The following CACNA2D3 variants were observed in gnomAD, a reference collection of about 807,000 sequenced individuals.
CACNA2D3 encodes the protein calcium voltage-gated channel auxiliary subunit alpha2delta 3.
In CACNA2D3, 60 loss-of-function variants were observed where a neutral mutation model predicts 160.6. The ratio of observed to expected loss-of-function variants is 0.37; its 90% CI spans 0.30 to 0.46. The LOEUF (loss-of-function observed/expected upper bound fraction) is 0.46. CACNA2D3 is among the 20% of genes least tolerant of loss of function. CACNA2D3 has a pLI of 1.00. For synonymous variants in CACNA2D3, 558 were observed against 492.9 expected (o/e 1.13, Z -1.75); for missense variants, 1,205 against 1,365.0 (o/e 0.88, Z 1.85).
At chr3:54,576,658 G>T (rs1234368832) in intron 8 of CACNA2D3, among the ~76,000 whole-genome samples, 1 of 152,182 alleles carries the variant, frequency 6.6e-6, no homozygotes, top group East Asian at 1.9e-4. Flanking sequence ...AATACCTGAG[G>T]AAGATTGTGG....
intron 12 of CACNA2D3, among the ~76,000 whole-genome samples, chr3:54,759,322 GA>G (rs1207540272): frequency 7.9e-5 from 12 of 151,984 alleles, no homozygotes; most frequent in African/African-American, 1.2e-4. Flanking sequence ...AATTTAACAG[GA>G]AAAAAACAGA....
In CACNA2D3 at chr3:54,839,720, G is replaced by A. The variant is rs186266149; in HGVS notation, c.1551+1072G>A. ...GGGCCTGATTCACCACAGCTGTGAG[G>A]GGGACCTGGGCTTTCCTGGGCCTCA... On this transcript the variant is annotated intron_variant, in intron 16 of 37. Transcript: ENST00000474759. Among the ~76,000 whole-genome samples, 551 of 152,240 alleles carry A rather than the reference G, an allele frequency of 3.6e-3. 12 individuals are homozygous for A. The highest frequency in any genetic ancestry group is 0.033 in the Admixed American group (503 of 15,284).
intron 34 of CACNA2D3, among the ~76,000 whole-genome samples, chr3:55,017,017 T>G (rs1703340190): frequency 6.6e-6 from 1 of 152,234 alleles, no homozygotes; most frequent in African/African-American, 2.4e-5. Context: ...CTCCCCGTAG[T>G]TCTGCCCACC....
intron 3 of CACNA2D3, among the ~76,000 whole-genome samples, chr3:54,373,070 C>T (rs1310762695): frequency 6.6e-6 from 1 of 152,176 alleles, no homozygotes; most frequent in Non-Finnish European, 1.5e-5. Flanking sequence ...TTGGAGCAGT[C>T]ATCTCTTGAA....
intron 10 of CACNA2D3, among the ~76,000 whole-genome samples, chr3:54,631,600 G>C (rs1488114229): frequency 1.3e-5 from 2 of 152,204 alleles, no homozygotes; most frequent in Admixed American, 1.3e-4. Flanking sequence ...GAATGGTTCA[G>C]AGGTTACTAT....
intron 2 of CACNA2D3, among the ~76,000 whole-genome samples, chr3:54,282,840 G>T (rs1702913590): frequency 6.6e-6 from 1 of 151,248 alleles, no homozygotes; most frequent in Non-Finnish European, 1.5e-5. Context: ...TACACTTTTA[G>T]TTTTCGCTTT....
intron 11 of CACNA2D3, among the ~76,000 whole-genome samples, chr3:54,647,268 T>G (rs998682366): frequency 6.6e-6 from 1 of 152,182 alleles, no homozygotes; most frequent in Non-Finnish European, 1.5e-5. Flanking sequence ...TTATGATCAT[T>G]TGTTATGTAG....
At chr3:54,217,837 A>G (rs1363866074) in intron 2 of CACNA2D3, among the ~76,000 whole-genome samples, 2 of 151,974 alleles carry the variant, frequency 1.3e-5, no homozygotes, top group Non-Finnish European at 2.9e-5. Flanking sequence ...CAGCAGCCCC[A>G]GGAAATTAAT....
At chr3:54,581,287 G>A (rs192117648) in intron 8 of CACNA2D3, among the ~76,000 whole-genome samples, 3 of 152,268 alleles carry the variant, frequency 2.0e-5, no homozygotes, top group African/African-American at 7.2e-5. Flanking sequence ...GCAATGTATG[G>A]GAAATTGTGC....
chr3:54,632,048 T>C (rs1352529052), intron 10 of CACNA2D3: 1 of 152,252 alleles, frequency 6.6e-6, no homozygotes, highest in African/African-American at 2.4e-5. Context: ...GTCATTGTTA[T>C]TATTATGGAA....
intron 29 of CACNA2D3, among the ~76,000 whole-genome samples, chr3:54,975,517 T>G (rs1191850522): frequency 2.0e-5 from 2 of 100,376 alleles, no homozygotes; most frequent in Non-Finnish European, 1.9e-5. Context: ...TGAGACTTGG[T>G]CTCCAAAAAA....
rs180683319 is a variant in CACNA2D3, at chr3:54,142,925, T to C, written c.204+19331T>C. On this transcript the variant is annotated intron_variant, in intron 2 of 37. Transcript: ENST00000474759. ...GTTGTATCTGTGAAAATGATTGTGC[T>C]AGTTAGGGACAGGTATAAGCCATCC... Among the ~76,000 whole-genome samples the C allele has an allele frequency of 2.9e-4, 44 of 152,302 alleles. No homozygotes were observed. The South Asian group carries it at 5.8e-3, about 20-fold the overall frequency.
chr3:54,315,945 T>C (rs1345293898), intron 2 of CACNA2D3, among the ~76,000 whole-genome samples: 1 of 152,144 alleles, frequency 6.6e-6, no homozygotes, highest in Non-Finnish European at 1.5e-5. Context: ...TATTTTTGAA[T>C]GTGAAATAGT....
intron 2 of CACNA2D3, among the ~76,000 whole-genome samples, chr3:54,293,583 A>T (rs562241852): frequency 6.6e-6 from 1 of 151,900 alleles, no homozygotes; most frequent in Non-Finnish European, 1.5e-5. Flanking sequence ...ATATATCAAT[A>T]TATCACATCC....
At chr3:54,401,277 TAGG>T (rs1553648323) in intron 4 of CACNA2D3, among the ~76,000 whole-genome samples, 1 of 152,120 alleles carries the variant, frequency 6.6e-6, no homozygotes, top group Non-Finnish European at 1.5e-5. Context: ...AGATTCATAT[TAGG>T]AGAATTGCAG....
chr3:54,848,785 A>T, intron 17 of CACNA2D3, among the ~76,000 whole-genome samples: 1 of 152,224 alleles, frequency 6.6e-6, no homozygotes, highest in East Asian at 1.9e-4. Flanking sequence ...TTGGGCAATC[A>T]CACAGGCTCC....
chr3:54,147,928 C>T (rs1193557419), intron 2 of CACNA2D3, among the ~76,000 whole-genome samples: 1 of 152,192 alleles, frequency 6.6e-6, no homozygotes, highest in Non-Finnish European at 1.5e-5. Context: ...TGCCTCAGCC[C>T]CCCGAGGAGT....
intron 35 of CACNA2D3, among the ~76,000 whole-genome samples, chr3:55,053,792 A>G (rs1411720159): frequency 1.3e-5 from 2 of 151,956 alleles, no homozygotes; most frequent in Admixed American, 6.6e-5. Flanking sequence ...GCCTTACTGC[A>G]CAGGCTGTAA....
intron 2 of CACNA2D3, among the ~76,000 whole-genome samples, chr3:54,237,191 G>A (rs1023195645): frequency 2.0e-5 from 3 of 152,104 alleles, no homozygotes; most frequent in South Asian, 2.1e-4. Flanking sequence ...AATTAATTGT[G>A]CTAAATAATT....
Sources: allele counts gnomAD v4.1 joint callset (sites outside exome capture counted in the v4.1 genomes callset), GRCh38; gene constraint gnomAD v4.1.1; transcripts MANE v1.5; gene names NCBI Gene and HGNC (gene_info 2026-07-23, HGNC 2026-07-21).